Variants in TSPAN5 observed in about 807,000 individuals in gnomAD.
TSPAN5 encodes tetraspanin 5.
Under a neutral mutation model 37.1 loss-of-function variants are expected in TSPAN5, and 10 were observed. The observed-to-expected ratio is 0.27, with a 90% confidence interval of 0.17 to 0.46. TSPAN5 has a LOEUF of 0.46. Ranked by LOEUF, TSPAN5 falls within the 20% of genes least tolerant of loss-of-function variation. The probability of loss-of-function intolerance (pLI) is 1.00; values close to 1 mark genes in which losing one functional copy is unlikely to be tolerated. For missense variants in TSPAN5, 195 were observed against 326.6 expected (o/e 0.60, Z 3.11); for synonymous variants, 110 against 118.9 (o/e 0.93, Z 0.48).
chr4:98,648,472 C>T (rs1757115803), intron 1 of TSPAN5, among the ~76,000 whole-genome samples: 1 of 152,176 alleles, frequency 6.6e-6, no homozygotes, highest in South Asian at 2.1e-4. Flanking sequence ...AAGTCTAGCT[C>T]TTCACTGTGC....
chr4:98,625,448 AG>A (rs1274650874), intron 1 of TSPAN5, among the ~76,000 whole-genome samples: 9 of 152,352 alleles, frequency 5.9e-5, no homozygotes, highest in African/African-American at 2.2e-4. Context: ...AATCAAGGTA[AG>A]ACTTATTTTC....
chr4:98,511,460 T>C (rs567557105), intron 1 of TSPAN5, among the ~76,000 whole-genome samples: 18 of 152,174 alleles, frequency 1.2e-4, no homozygotes, highest in Non-Finnish European at 2.4e-4. Flanking sequence ...GCAACTGTAA[T>C]ACAATGGTAA....
At chr4:98,581,914 G>A (rs114990332) in intron 1 of TSPAN5, among the ~76,000 whole-genome samples, 2,994 of 152,236 alleles carry the variant, frequency 0.02, 43 homozygotes, top group Middle Eastern at 0.051. Context: ...TAACTTAAGC[G>A]TACTCTTAAG....
At chr4:98,601,273 T>G (rs1476183754) in intron 1 of TSPAN5, among the ~76,000 whole-genome samples, 1 of 152,248 alleles carries the variant, frequency 6.6e-6, no homozygotes, top group Non-Finnish European at 1.5e-5. Context: ...CAGCCTGTCA[T>G]TTGAAGCCAG....
At chr4:98,577,020 C>CA (rs1487639826) in intron 1 of TSPAN5, among the ~76,000 whole-genome samples, 2 of 152,174 alleles carry the variant, frequency 1.3e-5, no homozygotes, top group African/African-American at 4.8e-5. Flanking sequence ...CTCGGCCTCC[C>CA]AAAGTGCTGG....
chr4:98,579,323 C>T (rs1755316913), intron 1 of TSPAN5, among the ~76,000 whole-genome samples: 1 of 152,190 alleles, frequency 6.6e-6, no homozygotes, highest in Non-Finnish European at 1.5e-5. Context: ...CCTCCACAAA[C>T]CTATGCCCAA....
chr4:98,603,577 C>G (rs1181220908), intron 1 of TSPAN5, among the ~76,000 whole-genome samples: 2 of 152,186 alleles, frequency 1.3e-5, no homozygotes, highest in Admixed American at 1.3e-4. Context: ...TATCTCAATT[C>G]ATGGGAATAA....
intron 1 of TSPAN5, among the ~76,000 whole-genome samples, chr4:98,536,109 G>C (rs770059839): frequency 1.3e-5 from 2 of 152,140 alleles, no homozygotes; most frequent in African/African-American, 4.8e-5. Context: ...GAGAAGAGGT[G>C]TTCTTGTTTT....
chr4:98,516,805 T>C (rs1753740526), intron 1 of TSPAN5, among the ~76,000 whole-genome samples: 2 of 152,184 alleles, frequency 1.3e-5, no homozygotes, highest in Admixed American at 1.3e-4. Context: ...GAATGAATTA[T>C]TTCCCACAAG....
intron 1 of TSPAN5, among the ~76,000 whole-genome samples, chr4:98,525,597 G>C (rs530628734): frequency 6.6e-6 from 1 of 152,076 alleles, no homozygotes; most frequent in Non-Finnish European, 1.5e-5. Context: ...TTGTTTTCGA[G>C]ACAGAGTCTT....
Position 98,601,323 on chromosome 4 carries a change from G to C in TSPAN5, c.81+56823C>G, listed in dbSNP as rs371027730. Among the ~76,000 whole-genome samples, 66 of 152,314 alleles carry C rather than the reference G, an allele frequency of 4.3e-4. 1 individual carries two copies. The South Asian group carries it at 0.013, about 30-fold the overall frequency. On this transcript the variant is annotated intron_variant, in intron 1 of 7. Transcript: ENST00000305798. Reference sequence around the variant, plus strand: ...TCTCTAGCTATGAAAGTCTTGGATGGCATCTTCTTCCAATAGCAGGCTGTT... The same window carrying C: ...TCTCTAGCTATGAAAGTCTTGGATGCCATCTTCTTCCAATAGCAGGCTGTT...
At chr4:98,535,046 T>C (rs996161839) in intron 1 of TSPAN5, among the ~76,000 whole-genome samples, 3 of 152,232 alleles carry the variant, frequency 2.0e-5, no homozygotes, top group African/African-American at 7.2e-5. Context: ...AGGTTAATAT[T>C]GTTATGTGTG....
chr4:98,630,093 T>C (rs912828394), intron 1 of TSPAN5, among the ~76,000 whole-genome samples: 3 of 152,124 alleles, frequency 2.0e-5, no homozygotes, highest in African/African-American at 4.8e-5. Context: ...GAATTCACGC[T>C]CGAGTTGGGG....
At chr4:98,641,753 C>T (rs78473433) in intron 1 of TSPAN5, among the ~76,000 whole-genome samples, 2,415 of 152,200 alleles carry the variant, frequency 0.016, 55 homozygotes, top group African/African-American at 0.055. Flanking sequence ...CAAACTCCAC[C>T]CATGGGTAAA....
chr4:98,487,562 GT>G lies in TSPAN5; in HGVS notation c.133-679del, dbSNP rs34043342. ...CCGGTCCGGCTACAAACACCTACAAGTTTTTTTTTTCCAAGAAAATATCGTA... is the reference window on the plus strand; with the variant it reads ...CCGGTCCGGCTACAAACACCTACAAGTTTTTTTTTCCAAGAAAATATCGTA... On this transcript the variant is annotated intron_variant, in intron 2 of 7. Coordinates refer to ENST00000305798, the MANE Select transcript of TSPAN5 (RefSeq NM_005723.4). Among the ~76,000 whole-genome samples the G allele has an allele frequency of 2.8e-3, 422 of 149,984 alleles. 2 individuals carry two copies. Among genetic ancestry groups the G allele is most frequent in the African/African-American group, 9.5e-3 (390 of 40,894 alleles).
chr4:98,501,358 A>G (rs1753344147), intron 2 of TSPAN5, among the ~76,000 whole-genome samples: 2 of 152,222 alleles, frequency 1.3e-5, no homozygotes, highest in Admixed American at 1.3e-4. Context: ...AGTGTTTTAA[A>G]GAATGCTGTC....
chr4:98,570,939 G>C (rs1468000257), intron 1 of TSPAN5, among the ~76,000 whole-genome samples: 1 of 151,724 alleles, frequency 6.6e-6, no homozygotes, highest in Non-Finnish European at 1.5e-5. Context: ...GGGTGCCTGA[G>C]AGGTGGAGGT....
intron 1 of TSPAN5, among the ~76,000 whole-genome samples, chr4:98,565,209 T>G (rs1578996151): frequency 6.6e-6 from 1 of 152,212 alleles, no homozygotes; most frequent in Non-Finnish European, 1.5e-5. Flanking sequence ...TGACGGTTGG[T>G]GTTTTTCCCC....
At chr4:98,598,752 G>A (rs1755815584) in intron 1 of TSPAN5, among the ~76,000 whole-genome samples, 1 of 152,276 alleles carries the variant, frequency 6.6e-6, no homozygotes, top group South Asian at 2.1e-4. Flanking sequence ...ACAGGCATGA[G>A]CCACCGTGCC....
Sources: gnomAD v4.1 joint callset for allele counts (sites outside exome capture counted in the v4.1 genomes callset) on GRCh38, gnomAD v4.1.1 for gene constraint, MANE v1.5 for transcripts, NCBI Gene and HGNC (gene_info 2026-07-23, HGNC 2026-07-21) for gene names.